DPP10: variants seen among roughly 807,000 people sequenced by gnomAD.
DPP10 encodes inactive dipeptidyl peptidase 10.
DPP10 carries 33 observed loss-of-function variants against 120.9 expected under a neutral mutation model. That is an observed-to-expected ratio of 0.27 (90% confidence interval 0.21 to 0.37). The LOEUF is 0.37. Among genes scored for constraint, DPP10 ranks in the 10% least tolerant of loss-of-function variants. DPP10 has a pLI of 1.00. For missense variants in DPP10, 816 were observed against 942.8 expected (o/e 0.87, Z 1.76); for synonymous variants, 337 against 326.1 (o/e 1.03, Z -0.36).
intron 1 of DPP10, among the ~76,000 whole-genome samples, chr2:114,587,170 G>A (rs181826615): frequency 3.0e-4 from 46 of 151,724 alleles, no homozygotes; most frequent in African/African-American, 4.6e-4. Context: ...GCATGGTGGC[G>A]CGTGCCTGTA....
At chr2:115,562,793 A>G (rs1362986788) in intron 5 of DPP10, among the ~76,000 whole-genome samples, 4 of 152,112 alleles carry the variant, frequency 2.6e-5, no homozygotes, top group Admixed American at 6.5e-5. Context: ...TATATCTTCT[A>G]TTGTCTACAT....
intron 2 of DPP10, among the ~76,000 whole-genome samples, chr2:115,310,198 C>A (rs2061522456): frequency 6.6e-6 from 1 of 152,012 alleles, no homozygotes; most frequent in Non-Finnish European, 1.5e-5. Context: ...TGAATGAATC[C>A]AAAAATCAAC....
intron 1 of DPP10, among the ~76,000 whole-genome samples, chr2:115,284,912 A>G (rs1212280279): frequency 1.3e-5 from 2 of 151,996 alleles, no homozygotes; most frequent in African/African-American, 4.8e-5. Flanking sequence ...AATCATATCA[A>G]ATTATCAGCT....
chr2:115,714,348 T>A (rs999811131), intron 7 of DPP10, among the ~76,000 whole-genome samples: 1 of 152,206 alleles, frequency 6.6e-6, no homozygotes, highest in African/African-American at 2.4e-5. Context: ...TCCAGATCAA[T>A]TAAAAATAAA....
At chr2:115,106,221 G>A (rs2048938377) in intron 1 of DPP10, among the ~76,000 whole-genome samples, 1 of 152,208 alleles carries the variant, frequency 6.6e-6, no homozygotes, top group Non-Finnish European at 1.5e-5. Context: ...TGAATGCTCA[G>A]AATTACTAAT....
intron 1 of DPP10, among the ~76,000 whole-genome samples, chr2:114,848,771 C>T (rs1373419931): frequency 6.6e-6 from 1 of 152,122 alleles, no homozygotes; most frequent in Non-Finnish European, 1.5e-5. Context: ...GCTTTTGCAG[C>T]AAAAGTGCCT....
intron 1 of DPP10, among the ~76,000 whole-genome samples, chr2:114,842,375 C>A (rs1050187395): frequency 6.6e-6 from 1 of 152,082 alleles, no homozygotes; most frequent in African/African-American, 2.4e-5. Flanking sequence ...GAATGAAATT[C>A]TTCACGGGCA....
At chr2:114,602,189 G>GA (rs1428815608) in intron 1 of DPP10, among the ~76,000 whole-genome samples, 1 of 151,484 alleles carries the variant, frequency 6.6e-6, no homozygotes, top group Admixed American at 6.6e-5. Flanking sequence ...TTTTCCAAAA[G>GA]AAAAAAATGA....
chr2:114,944,956 A>G (rs931313588), intron 1 of DPP10, among the ~76,000 whole-genome samples: 7 of 152,204 alleles, frequency 4.6e-5, no homozygotes, highest in African/African-American at 1.7e-4. Context: ...CTGCTCTTTG[A>G]AAAAGGAGCA....
In DPP10 at chr2:115,459,160, AT is replaced by A. The variant is rs749048365; in HGVS notation, c.272-40335del. Among the ~76,000 whole-genome samples, 583 of 140,712 alleles carry A rather than the reference AT, an allele frequency of 4.1e-3. 1 individual carries two copies. The highest frequency in any genetic ancestry group is 4.4e-3 in the East Asian group (21 of 4,798). 92.3% of individuals were successfully genotyped at this position (140,712 alleles called of 152,430 possible). A position where few individuals can be genotyped will look rare whatever the true frequency, so the allele number is the denominator to read the frequency against. On this transcript the variant is annotated intron_variant, in intron 3 of 25. Transcript: ENST00000410059. ...AGTCAGTTTTCATCTTGTGAGTTTG[AT>A]TTTTTTTTTTTTTTAGTCTGGGTCA...
At chr2:115,344,163 G>A (rs1327271002) in intron 3 of DPP10, among the ~76,000 whole-genome samples, 1 of 149,848 alleles carries the variant, frequency 6.7e-6, no homozygotes, top group Non-Finnish European at 1.5e-5. Context: ...AAAAAGATAT[G>A]TGTAGTTAAT....
intron 1 of DPP10, among the ~76,000 whole-genome samples, chr2:114,515,274 T>A (rs1016991752): frequency 1.3e-5 from 2 of 152,310 alleles, no homozygotes; most frequent in Middle Eastern, 6.8e-3. Flanking sequence ...GAGAGAATTT[T>A]AATGTTGGAA....
intron 5 of DPP10, among the ~76,000 whole-genome samples, chr2:115,568,284 A>C (rs1034535163): frequency 1.3e-5 from 2 of 152,120 alleles, no homozygotes; most frequent in Non-Finnish European, 2.9e-5. Flanking sequence ...AGAGATTGAG[A>C]CCACCCTGGC....
intron 1 of DPP10, chr2:114,461,892 G>C (rs1028175127): frequency 3.0e-6 from 3 of 985,510 alleles, no homozygotes; most frequent in Non-Finnish European, 2.4e-6. Context: ...GGTGGAGAGA[G>C]GGAGGGAGAT....
intron 2 of DPP10, among the ~76,000 whole-genome samples, chr2:115,321,957 T>A (rs931817772): frequency 6.6e-6 from 1 of 152,172 alleles, no homozygotes; most frequent in Non-Finnish European, 1.5e-5. Flanking sequence ...TTTAGCTCTT[T>A]ATTCATGATT....
intron 1 of DPP10, among the ~76,000 whole-genome samples, chr2:115,072,784 A>G (rs1707474422): frequency 6.6e-6 from 1 of 152,094 alleles, no homozygotes; most frequent in Admixed American, 6.5e-5. Context: ...AATAGAAAAT[A>G]TATTTTCTTT....
chr2:115,395,219 C>T (rs2067595412), intron 3 of DPP10, among the ~76,000 whole-genome samples: 1 of 152,206 alleles, frequency 6.6e-6, no homozygotes, highest in Non-Finnish European at 1.5e-5. Flanking sequence ...GACCCCCACT[C>T]TTCTGCCTCT....
At chr2:115,642,022 G>A (rs1245086991) in intron 5 of DPP10, among the ~76,000 whole-genome samples, 1 of 151,878 alleles carries the variant, frequency 6.6e-6, no homozygotes, top group African/African-American at 2.4e-5. Context: ...AGAAAGATAG[G>A]GCATTGCTTT....
intron 1 of DPP10, among the ~76,000 whole-genome samples, chr2:114,546,315 C>A (rs1468625735): frequency 2.6e-5 from 4 of 152,084 alleles, no homozygotes; most frequent in Non-Finnish European, 4.4e-5. Flanking sequence ...AAAGCAAGAG[C>A]AAGTGGGGAG....
Sources: allele counts gnomAD v4.1 joint callset (sites outside exome capture counted in the v4.1 genomes callset), GRCh38; gene constraint gnomAD v4.1.1; transcripts MANE v1.5; gene names NCBI Gene and HGNC (gene_info 2026-07-23, HGNC 2026-07-21).